The following IQSEC3 variants were observed in gnomAD, a reference collection of about 807,000 sequenced individuals.
IQSEC3 encodes the protein IQ motif and SEC7 domain-containing protein 3.
In IQSEC3, 50 loss-of-function variants were observed where a neutral mutation model predicts 105.4. The observed-to-expected ratio is 0.47, with a 90% CI of 0.38 to 0.60. The LOEUF (loss-of-function observed/expected upper bound fraction) is 0.60, where lower values mean the gene tolerates loss of function less well. IQSEC3 is among the 20% of genes least tolerant of loss of function. The pLI is 0.00. For missense variants in IQSEC3, 1,415 were observed against 1,630.0 expected (o/e 0.87, Z 2.27); for synonymous variants, 708 against 746.0 (o/e 0.95, Z 0.83).
chr12:140,776 C>G (rs3847941), intron 4 of IQSEC3: 82,688 of 235,852 alleles, frequency 0.35, 15,135 homozygotes, highest in Admixed American at 0.48. Flanking sequence ...CACCCTCTCT[C>G]CAGGGTTGGG....
At chr12:99,364 G>C (rs1282516549) in intron 2 of IQSEC3, 150 bp downstream of exon 2, 7 of 738,090 alleles carry the variant, frequency 9.5e-6, no homozygotes, top group Admixed American at 2.5e-5. Context: ...TCAGACTTCA[G>C]TTTCTCTCTG....
At position 138,620 on chromosome 12, in the gene IQSEC3, G is replaced by A. The variant is rs1351800215; in HGVS notation, c.1257G>A (p.Thr419=). The stretch of plus-strand genomic sequence containing the variant: ...AGTCCATCGACGACGCGCTCAGCAC[G>A]TGGAGCCTCAAGACCATGTGCTCCC... ...LAKSIDDALS[T]WSLKTMCSLR... is the part of the protein sequence containing the mutation. Residue 419 remains threonine (T), a synonymous_variant, in exon 4 of 14, where the codon ACG becomes ACA. Coordinates refer to ENST00000538872, the MANE Select transcript of IQSEC3 (RefSeq NM_001170738.2). This position sits in a 1 kb window ranked among gnomAD's most constrained non-coding sequence, Gnocchi z 7.1. 13 of 1,587,828 alleles carry A rather than the reference G, an allele frequency of 8.2e-6. No homozygotes were observed. Among genetic ancestry groups the A allele is most frequent in the East Asian group, 2.3e-5 (1 of 43,898 alleles).
In IQSEC3 at chr12:176,081, C is replaced by G. The variant is rs1282033983; in HGVS notation, c.*1048C>G. On this transcript the variant is annotated 3_prime_UTR_variant, in exon 14 of 14. Transcript: ENST00000538872. This position sits in a 1 kb window ranked among gnomAD's most constrained non-coding sequence, Gnocchi z 4.0. ...GATGTAAGCAAGAAAAACCGGGGCTCCAGAGGCATGTGCATTTCCCCTGCG... is the reference window on the plus strand; with the variant it reads ...GATGTAAGCAAGAAAAACCGGGGCTGCAGAGGCATGTGCATTTCCCCTGCG... The G allele has an allele frequency of 6.6e-6, 1 of 152,226 alleles. No homozygotes were observed. Among genetic ancestry groups the G allele is most frequent in the African/African-American group, 2.4e-5 (1 of 41,436 alleles). The allele number at this position is 152,226 out of a possible 1,614,324, so 9.4% of individuals were successfully genotyped here.
chr12:129,259 G>C (rs563253303), intron 3 of IQSEC3, among the ~76,000 whole-genome samples: 1 of 152,268 alleles, frequency 6.6e-6, no homozygotes, highest in East Asian at 1.9e-4. Flanking sequence ...TGAAGAGCCA[G>C]CGCTCCTGGA....
intron 6 of IQSEC3, 54 bp from the exon 7 acceptor site, chr12:157,474 C>T (rs781894585): frequency 1.1e-4 from 81 of 766,912 alleles, no homozygotes; most frequent in South Asian, 1.9e-4. Context: ...TTGTTGGGCC[C>T]GGGGGAGGGT....
rs533563710 is a variant in IQSEC3, at chr12:131,340, A to AC, written c.903+5434dup. Among the ~76,000 whole-genome samples the AC allele has an allele frequency of 1.1e-4, 16 of 151,248 alleles. No homozygotes were observed. The East Asian group carries it at 2.6e-3, about 24-fold the overall frequency. Reference sequence around the variant, plus strand: ...TGCTCCCTGGCCTACAGGCCCAGAGACCCCCCACTCCCTGGGGCTGCCTAC... The same window carrying AC: ...TGCTCCCTGGCCTACAGGCCCAGAGACCCCCCCACTCCCTGGGGCTGCCTAC... On this transcript the variant is annotated intron_variant, in intron 3 of 13. Transcript: ENST00000538872.
intron 3 of IQSEC3, 34 bp downstream of exon 3, chr12:125,946 G>A: frequency 1.3e-6 from 2 of 1,519,280 alleles, no homozygotes; most frequent in Non-Finnish European, 1.8e-6. Context: ...CGGGGAGGGT[G>A]GTGAAGGGGC....
At chr12:105,761 C>T (rs1215300346) in intron 2 of IQSEC3, among the ~76,000 whole-genome samples, 1 of 152,160 alleles carries the variant, frequency 6.6e-6, no homozygotes, top group East Asian at 1.9e-4. Context: ...ACTTTCTGTC[C>T]AGAGGGCTCT....
intron 2 of IQSEC3, among the ~76,000 whole-genome samples, chr12:107,916 C>A (rs1290389726): frequency 6.6e-6 from 1 of 152,180 alleles, no homozygotes; most frequent in African/African-American, 2.4e-5. Context: ...TCGGTCCCAT[C>A]AGGGAGCACC....
At chr12:161,500 A>C (rs562666509) in intron 7 of IQSEC3, among the ~76,000 whole-genome samples, 1 of 152,174 alleles carries the variant, frequency 6.6e-6, no homozygotes, top group Non-Finnish European at 1.5e-5. Context: ...CAGCAGGAGG[A>C]AGATCCAAAA....
intron 2 of IQSEC3, among the ~76,000 whole-genome samples, chr12:119,459 A>G (rs185319809): frequency 4.3e-4 from 65 of 152,310 alleles, no homozygotes; most frequent in Admixed American, 9.8e-4. Context: ...AGGTATCTGG[A>G]ACCCAGAAAA....
In IQSEC3 at chr12:66,805, G is replaced by C. The variant is rs1863103690; in HGVS notation, c.-78G>C. 1 of 1,285,206 alleles carries C rather than the reference G, an allele frequency of 7.8e-7. No individual in the cohort carries two copies. The highest frequency in any genetic ancestry group is 9.9e-7 in the Non-Finnish European group (1 of 1,014,712). 79.6% of individuals were successfully genotyped at this position (1,285,206 alleles called of 1,614,324 possible). A position where few individuals can be genotyped will look rare whatever the true frequency, so the allele number is the denominator to read the frequency against. On this transcript the variant is annotated 5_prime_UTR_variant, in exon 1 of 14. Coordinates refer to ENST00000538872, the MANE Select transcript of IQSEC3 (RefSeq NM_001170738.2). ...GGGAGAGGGAGGCGAGCCGACCGCT[G>C]GGCTGCTGGGCTCCCGCGCCCTCGC...
rs137974432 is a variant in IQSEC3 at position 119,414 on chromosome 12, G to A, written c.624-6219G>A. Among the ~76,000 whole-genome samples, 1,266 of 152,262 alleles carry A rather than the reference G, an allele frequency of 8.3e-3. 3 individuals are homozygous for A. Among genetic ancestry groups the A allele is most frequent in the Non-Finnish European group, 0.011 (720 of 68,018 alleles). ...ATTTGGCATGTGTGAAATCATGTGC[G>A]TTTTTCTAGGAAGAGAGCCCTGAGC... On this transcript the variant is annotated intron_variant, in intron 2 of 13. Coordinates refer to ENST00000538872, the MANE Select transcript of IQSEC3 (RefSeq NM_001170738.2).
At chr12:128,676 C>T (rs1380013545) in intron 3 of IQSEC3, among the ~76,000 whole-genome samples, 2 of 152,146 alleles carry the variant, frequency 1.3e-5, no homozygotes, top group African/African-American at 4.8e-5. Flanking sequence ...GTTCCCGAAT[C>T]CCACCCTCTC....
At chr12:128,823 T>C (rs572405335) in intron 3 of IQSEC3, among the ~76,000 whole-genome samples, 74 of 152,266 alleles carry the variant, frequency 4.9e-4, no homozygotes, top group Middle Eastern at 3.4e-3. Context: ...CTGAATCATC[T>C]TCCTAAAGTG....
Position 141,285 on chromosome 12 carries a change from A to G in IQSEC3, c.2153A>G (p.Asp718Gly). The change falls in exon 5 of 14, where the codon GAC becomes GGC. Residue 718 changes from aspartate (D) to glycine (G), a missense_variant and splice_region_variant. By Grantham distance (94) the Asp-to-Gly change is moderately conservative. Around this residue, in one of 6 missense-constraint regions of IQSEC3, gnomAD observed 213 missense variants for 306.2 expected, o/e 0.70. Transcript: ENST00000538872. ...SKKQFNRDVL[D>G]CVVDEMDFSS... ...AAGCAGTTCAACCGCGACGTGCTGG[A>G]GTGAGTACCCCACACTCCGGGCTTT... The G allele has an allele frequency of 6.2e-7, 1 of 1,612,936 alleles. No homozygotes were observed. Among genetic ancestry groups the G allele is most frequent in the Non-Finnish European group, 8.5e-7 (1 of 1,179,060 alleles).
At chr12:149,822 G>C (rs1305490848) in intron 5 of IQSEC3, among the ~76,000 whole-genome samples, 4 of 152,192 alleles carry the variant, frequency 2.6e-5, no homozygotes, top group African/African-American at 9.7e-5. Context: ...ACCAAAGTGG[G>C]GGCGTGAGAG....
intron 1 of IQSEC3, among the ~76,000 whole-genome samples, chr12:85,640 G>A (rs910496612): frequency 3.9e-5 from 6 of 152,160 alleles, no homozygotes; most frequent in Non-Finnish European, 7.4e-5. Flanking sequence ...GAGCATGGCC[G>A]AAAAGGAAGC....
At chr12:171,751 G>T (rs782701960) in intron 13 of IQSEC3, among the ~76,000 whole-genome samples, 1 of 152,200 alleles carries the variant, frequency 6.6e-6, no homozygotes, top group East Asian at 1.9e-4. Flanking sequence ...TGGCCATGGC[G>T]CAGGGATGTG....
Sources: gnomAD v4.1 joint callset for allele counts (sites outside exome capture counted in the v4.1 genomes callset) on GRCh38, gnomAD v4.1.1 for gene constraint, gnomAD v4.1.1 regional missense constraint, Gnocchi (gnomAD v3.1) non-coding constraint, MANE v1.5 for transcripts, NCBI Gene and HGNC (gene_info 2026-07-23, HGNC 2026-07-21) for gene names.